The following ADSL variants were observed in gnomAD, a reference collection of about 807,000 sequenced individuals.
ADSL encodes the protein adenylosuccinate lyase.
A neutral mutation model predicts 62.1 loss-of-function variants in ADSL; 44 were observed. That is an observed-to-expected ratio of 0.71 (90% CI 0.56 to 0.91). The LOEUF (loss-of-function observed/expected upper bound fraction) is 0.91, where lower values mean the gene tolerates loss of function less well. ADSL is among the 40% of genes least tolerant of loss of function. The probability of loss-of-function intolerance (pLI) is 0.00; values close to 1 mark genes in which losing one functional copy is unlikely to be tolerated. For synonymous variants in ADSL, 198 were observed against 220.5 expected (o/e 0.90, Z 0.90); for missense variants, 531 against 627.4 (o/e 0.85, Z 1.64).
At chr22:40,375,032 G>A (rs1032818800) in intron 2 of ADSL, among the ~76,000 whole-genome samples, 3 of 152,078 alleles carry the variant, frequency 2.0e-5, no homozygotes, top group Non-Finnish European at 4.4e-5. Context: ...GAAAATTTAG[G>A]CTTACTAATT....
At chr22:40,372,097 T>TAGTTCTTCTC (rs1275463483), downstream of ADSL, among the ~76,000 whole-genome samples, 1 of 151,344 alleles carries the variant, frequency 6.6e-6, no homozygotes, top group Non-Finnish European at 1.5e-5. Flanking sequence ...GCCTGAGCTT[T>TAGTTCTTCTC]AGTTCTTCTC....
chr22:40,354,657 G>C (rs2044480626), intron 4 of ADSL, among the ~76,000 whole-genome samples: 1 of 152,128 alleles, frequency 6.6e-6, no homozygotes, highest in Non-Finnish European at 1.5e-5. Flanking sequence ...GATCCCTTGA[G>C]GTTAGGAGTT....
chr22:40,379,534 CTG>C (rs2047214835), intron 2 of ADSL: 1 of 152,252 alleles, frequency 6.6e-6, no homozygotes, highest in African/African-American at 2.4e-5. Flanking sequence ...TTGTTTATCT[CTG>C]TTAAACTGTG....
intron 4 of ADSL, among the ~76,000 whole-genome samples, chr22:40,356,899 T>TTTTTG (rs2044582342): frequency 6.6e-6 from 1 of 152,106 alleles, no homozygotes; most frequent in Non-Finnish European, 1.5e-5. Flanking sequence ...ATATTTTGTT[T>TTTTTG]TTTTGTTTTG....
intron 10 of ADSL, among the ~76,000 whole-genome samples, chr22:40,363,919 A>G (rs1314582420): frequency 6.6e-6 from 1 of 152,006 alleles, no homozygotes; most frequent in Non-Finnish European, 1.5e-5. Flanking sequence ...TCTACTAAAA[A>G]TACAAAAATT....
intron 2 of ADSL, among the ~76,000 whole-genome samples, chr22:40,352,396 C>T (rs1569089516): frequency 6.6e-6 from 1 of 151,996 alleles, no homozygotes; most frequent in African/African-American, 2.4e-5. Flanking sequence ...GGCGTGGTGG[C>T]GGGTGCCTGT....
chr22:40,346,613 T>C lies in ADSL; in HGVS notation c.55T>C (p.Ser19Pro). ...CGACAGCTACCGCTCACCTCTTGCC[T>C]CCCGCTATGCCAGCCCGGAGATGTG... ...SPDSYRSPLA[S>P]RYASPEMCFV... Residue 19 changes from serine (S) to proline (P), a missense_variant, in exon 1 of 13, where the codon TCC becomes CCC. Physicochemically the swap from Ser to Pro is moderately conservative, Grantham distance 74. Coordinates refer to ENST00000623063, the MANE Select transcript of ADSL (RefSeq NM_000026.4). The C allele has an allele frequency of 6.2e-7, 1 of 1,609,710 alleles. No individual in the cohort carries two copies. The highest frequency in any genetic ancestry group is 1.1e-5 in the South Asian group (1 of 90,012).
At chr22:40,377,387 G>A (rs1195805995) in intron 2 of ADSL, among the ~76,000 whole-genome samples, 6 of 152,190 alleles carry the variant, frequency 3.9e-5, no homozygotes, top group South Asian at 2.1e-4. Context: ...TGTTTTCAAC[G>A]AGCTGAGTCT....
downstream of ADSL, chr22:40,373,086 C>T (rs2045901786): frequency 6.6e-6 from 1 of 152,134 alleles, no homozygotes; most frequent in South Asian, 2.1e-4. Context: ...GTTAGAACAC[C>T]ACTCCTACCT....
chr22:40,364,220 T>C, intron 10 of ADSL, 56 bp from the exon 11 acceptor site: 1 of 1,458,876 alleles, frequency 6.9e-7, no homozygotes, highest in Non-Finnish European at 9.5e-7. Context: ...CTGCTGTGTT[T>C]ATGACTTTAA....
chr22:40,362,571 C>T (rs1354206900), intron 9 of ADSL, among the ~76,000 whole-genome samples: 3 of 152,134 alleles, frequency 2.0e-5, no homozygotes, highest in African/African-American at 4.8e-5. Context: ...GATCCAGAGT[C>T]GAAGGCAGAC....
chr22:40,355,424 C>T (rs1237916685), intron 4 of ADSL, among the ~76,000 whole-genome samples: 1 of 152,192 alleles, frequency 6.6e-6, no homozygotes, highest in Non-Finnish European at 1.5e-5. Context: ...TCCCAAAGTG[C>T]TGGGATTACA....
intron 1 of ADSL, chr22:40,348,475 CT>C: frequency 2.5e-6 from 1 of 398,612 alleles, no homozygotes; most frequent in Non-Finnish European, 4.4e-6. Flanking sequence ...CCTCTGCATC[CT>C]GGGCTCAAGC....
intron 4 of ADSL, among the ~76,000 whole-genome samples, chr22:40,355,186 G>C (rs754834118): frequency 1.7e-4 from 26 of 152,200 alleles, no homozygotes; most frequent in Non-Finnish European, 3.2e-4. Flanking sequence ...GCCCAGGCTG[G>C]AGTGCAGTGG....
intron 1 of ADSL, chr22:40,348,649 G>C (rs2044234944): frequency 2.5e-6 from 1 of 398,444 alleles, no homozygotes. Context: ...CCAAAGATGT[G>C]AGCCACCATA....
At chr22:40,360,046 C>T (rs778178214) in intron 6 of ADSL, among the ~76,000 whole-genome samples, 2 of 152,088 alleles carry the variant, frequency 1.3e-5, no homozygotes, top group Non-Finnish European at 2.9e-5. Flanking sequence ...GACATGGGCA[C>T]GTTGCACCAT....
rs1335672892 is a variant in ADSL at position 40,369,193 on chromosome 22, C to T, written c.*2671C>T. Reference sequence around the variant, plus strand: ...TTCCTGTCCTAACAATTCTGTTAGACTAATGATCTCCAGTGATTGGCGATT... The same window carrying T: ...TTCCTGTCCTAACAATTCTGTTAGATTAATGATCTCCAGTGATTGGCGATT... On this transcript the variant is annotated 3_prime_UTR_variant, in exon 13 of 13. Transcript: ENST00000623063. The T allele has an allele frequency of 2.6e-5, 4 of 152,106 alleles. No individual in the cohort carries two copies. Among genetic ancestry groups the T allele is most frequent in the Admixed American group, 2.0e-4 (3 of 15,260 alleles). The allele number at this position is 152,106 out of a possible 1,614,324, so 9.4% of individuals were successfully genotyped here.
At chr22:40,364,805 A>T in intron 11 of ADSL, 75 bp from the exon 12 acceptor site, 1 of 1,474,388 alleles carries the variant, frequency 6.8e-7, no homozygotes, top group South Asian at 1.1e-5. Flanking sequence ...ATGGATGGGA[A>T]GTATCTGATG....
intron 5 of ADSL, 102 bp from the exon 6 acceptor site, chr22:40,359,158 A>G (rs2044674273): frequency 5.1e-6 from 8 of 1,582,116 alleles, no homozygotes; most frequent in Admixed American, 1.7e-5. Flanking sequence ...ACTAGAAGGA[A>G]GTTGTGGGGG....
Sources: allele counts gnomAD v4.1 joint callset (sites outside exome capture counted in the v4.1 genomes callset), GRCh38; gene constraint gnomAD v4.1.1; transcripts MANE v1.5; gene names NCBI Gene and HGNC (gene_info 2026-07-23, HGNC 2026-07-21).